UTY: variants seen among roughly 807,000 people sequenced by gnomAD.
UTY encodes ubiquitously transcribed tetratricopeptide repeat containing, Y-linked.
Under a neutral mutation model 32.5 loss-of-function variants are expected in UTY, and 12 were observed. The ratio of observed to expected loss-of-function variants is 0.37; its 90% CI spans 0.24 to 0.60. The LOEUF (loss-of-function observed/expected upper bound fraction) is 0.60, where lower values mean the gene tolerates loss of function less well. UTY is among the 20% of genes least tolerant of loss of function. UTY has a pLI of 0.69. For missense variants in UTY, 303 were observed against 299.2 expected, an observed-to-expected ratio of 1.01 and a Z score of -0.09; for synonymous variants, 131 against 103.4, an observed-to-expected ratio of 1.27 and a Z score of -1.62.
chrY:13,244,244 T>A, downstream of UTY, among the ~76,000 whole-genome samples: 4 of 33,017 alleles, frequency 1.2e-4, no homozygotes, highest in Non-Finnish European at 3.0e-4. Context: ...CTGAGAAGGA[T>A]AGATGGCTGG....
Position 13,335,591 on chromosome Y carries a change from TG to T in UTY, c.2805del (p.Ser936ValfsTer6), listed in dbSNP as rs754265233. On this transcript the variant is annotated frameshift_variant, in exon 18 of 30. Transcript: ENST00000545955. LOFTEE classifies it high-confidence loss of function. The part of the protein sequence containing the change: ...ILPSMSVSIC[P>X]SSTEVLKACR... ...CATGCTTTCAGAACTTCTGTTGAAC[TG>T]GGGCATATAGACACTGACATTGATG... 2.5e-6 allele frequency: 1 copy of T among 398,916 alleles called. No individual in the cohort carries two copies.
intron 8 of UTY, among the ~76,000 whole-genome samples, chrY:13,384,633 A>G: frequency 3.0e-5 from 1 of 33,101 alleles, no homozygotes; most frequent in African/African-American, 1.2e-4. Context: ...TCTATACTCT[A>G]GCCTGGGCAA....
chrY:13,260,348 G>C lies in UTY; in HGVS notation c.4067C>G (p.Ala1356Gly). The C allele has an allele frequency of 5.0e-6, 2 of 396,354 alleles. No homozygotes were observed. Among genetic ancestry groups the C allele is most frequent in the Non-Finnish European group, 7.1e-6 (2 of 281,872 alleles). The change falls in exon 28 of 30, where the codon GCA becomes GGA. Residue 1356 changes from alanine to glycine, a missense_variant. Ala to Gly is a moderately conservative substitution (Grantham distance 60, BLOSUM62 0). Coordinates refer to ENST00000545955, the MANE Select transcript of UTY (RefSeq NM_001258249.2). ...QYQTLREALV[A>G]AGKEVIWHGR... ...ATGCCATATAACCTCTTTTCCTGCT[G>C]CAACAAGAGCTTCTCTCAATGTCTG...
chrY:13,312,652 G>C, intron 21 of UTY, among the ~76,000 whole-genome samples: 1 of 31,604 alleles, frequency 3.2e-5, no homozygotes, highest in Admixed American at 2.9e-4. Context: ...CCAGCTACTC[G>C]GGAAGCTGAG....
chrY:13,252,135 C>G (rs1603234481), intron 28 of UTY, among the ~76,000 whole-genome samples: 1 of 24,773 alleles, frequency 4.0e-5, no homozygotes, highest in African/African-American at 1.6e-4. Flanking sequence ...AGCCGAGATC[C>G]CGCCACTGCA....
chrY:13,236,100 A>G (rs777359667), intron 28 of UTY, among the ~76,000 whole-genome samples: 1 of 33,210 alleles, frequency 3.0e-5, no homozygotes, highest in South Asian at 6.8e-4. Flanking sequence ...TAACTATAAA[A>G]AGTAACTAAA....
chrY:13,296,022 T>G (rs2058012489), intron 27 of UTY, among the ~76,000 whole-genome samples: 1 of 33,302 alleles, frequency 3.0e-5, no homozygotes, highest in Admixed American at 2.7e-4. Context: ...CTCCCACACC[T>G]CCATTGGGCA....
In UTY at chrY:13,305,381, G is replaced by A; in HGVS notation, c.3565+18C>T. The A allele has an allele frequency of 2.5e-6, 1 of 392,564 alleles. No individual in the cohort carries two copies. On this transcript the variant is annotated intron_variant, in intron 24 of 29. Coordinates refer to ENST00000545955, the MANE Select transcript of UTY (RefSeq NM_001258249.2). ...CAATTTTTTCAATCATGTAAGATAT[G>A]TTAGTCATTAAAATCACCTGGTGTC...
intron 14 of UTY, 34 bp downstream of exon 14, chrY:13,358,430 T>C: frequency 8.0e-6 from 3 of 373,079 alleles, no homozygotes; most frequent in Middle Eastern, 6.1e-4. Context: ...CATTTTTGAC[T>C]GGGATTTTCC....
At chrY:13,419,827 A>G in intron 4 of UTY, among the ~76,000 whole-genome samples, 1 of 33,460 alleles carries the variant, frequency 3.0e-5, no homozygotes, top group Non-Finnish European at 7.4e-5. Context: ...CATTTGCATT[A>G]GCCTATAGTC....
At chrY:13,385,486 GCGA>G (rs2066616917) in intron 8 of UTY, among the ~76,000 whole-genome samples, 1 of 33,028 alleles carries the variant, frequency 3.0e-5, no homozygotes, top group East Asian at 7.8e-4. Flanking sequence ...CTGAAGGGCA[GCGA>G]TCAAAGTTAA....
At chrY:13,399,975 T>C (rs551320572) in intron 6 of UTY, among the ~76,000 whole-genome samples, 1 of 33,768 alleles carries the variant, frequency 3.0e-5, no homozygotes, top group African/African-American at 1.2e-4. Flanking sequence ...CTTCAAGTCC[T>C]TCCCTTTGTC....
chrY:13,331,076 C>T, intron 18 of UTY, among the ~76,000 whole-genome samples: 1 of 33,882 alleles, frequency 3.0e-5, no homozygotes, highest in South Asian at 6.5e-4. Flanking sequence ...ACAGCTTCAA[C>T]GGGCTTAAAC....
intron 27 of UTY, among the ~76,000 whole-genome samples, chrY:13,263,425 C>T: frequency 3.0e-5 from 1 of 33,262 alleles, no homozygotes; most frequent in Non-Finnish European, 7.4e-5. Flanking sequence ...AATTAAAGGG[C>T]ATGGAAGAAT....
At chrY:13,266,572 G>C (rs2055831617) in intron 27 of UTY, among the ~76,000 whole-genome samples, 1 of 32,611 alleles carries the variant, frequency 3.1e-5, no homozygotes, top group African/African-American at 1.2e-4. Context: ...GTTTGCTCTT[G>C]CTTCTCTAGT....
intron 8 of UTY, among the ~76,000 whole-genome samples, chrY:13,374,804 G>T: frequency 3.0e-5 from 1 of 33,063 alleles, no homozygotes; most frequent in African/African-American, 1.2e-4. Flanking sequence ...ACAGAACAAG[G>T]ATATACAGAT....
chrY:13,469,643 C>T (rs986022033), intron 3 of UTY, among the ~76,000 whole-genome samples: 2 of 33,592 alleles, frequency 6.0e-5, no homozygotes, highest in African/African-American at 2.3e-4. Context: ...TAGAATAACA[C>T]ACTGTATTCT....
chrY:13,479,073 A>C, intron 2 of UTY, 181 bp downstream of exon 2: 1 of 145,067 alleles, frequency 6.9e-6, no homozygotes, highest in Non-Finnish European at 1.3e-5. Flanking sequence ...CTCAGAGTAG[A>C]AGGGAGTCTG....
intron 21 of UTY, among the ~76,000 whole-genome samples, chrY:13,316,181 AC>A (rs2148881492): frequency 3.0e-5 from 1 of 33,718 alleles, no homozygotes; most frequent in East Asian, 7.8e-4. Context: ...GGTGCTTGGT[AC>A]CAGCTTAAGC....
Sources: allele counts gnomAD v4.1 joint callset (sites outside exome capture counted in the v4.1 genomes callset), GRCh38; gene constraint gnomAD v4.1.1; transcripts MANE v1.5; gene names NCBI Gene and HGNC (gene_info 2026-07-23, HGNC 2026-07-21).